The following CLNK variants were observed in gnomAD, a reference collection of about 807,000 sequenced individuals.
The protein encoded by CLNK is cytokine dependent hematopoietic cell linker, also known as cytokine-dependent hematopoietic cell linker.
In CLNK, 74 loss-of-function variants were observed where a neutral mutation model predicts 68.6. The observed-to-expected ratio is 1.08, with a 90% CI of 0.89 to 1.31. CLNK has a LOEUF of 1.31. Among genes scored for constraint, CLNK ranks in the 50% most tolerant of loss-of-function variants. CLNK has a pLI of 0.00. For missense variants in CLNK, 553 were observed against 515.3 expected (o/e 1.07, Z -0.71); for synonymous variants, 198 against 172.2 (o/e 1.15, Z -1.17).
chr4:10,592,821 G>A lies in CLNK; in HGVS notation c.83+5157C>T, dbSNP rs575980907. Among the ~76,000 whole-genome samples the A allele has an allele frequency of 2.6e-5, 4 of 152,182 alleles. No individual in the cohort carries two copies. The South Asian group carries it at 8.3e-4, about 32-fold the overall frequency. ...GCTCACTGCAACCTCCACCTCCCGA[G>A]TTCAAGAGATTTTCCTGCCTCAGCC... is the stretch of plus-strand genomic sequence containing the variant. On this transcript the variant is annotated intron_variant, in intron 3 of 18. Coordinates refer to ENST00000226951, the MANE Select transcript of CLNK (RefSeq NM_052964.4).
chr4:10,616,797 T>G lies in CLNK; in HGVS notation c.12-18748A>C, dbSNP rs28677927. ...GTATATATGTGTGTGTGTGTATATA[T>G]ATATATATATATATATATATATATA... is the stretch of plus-strand genomic sequence containing the variant. On this transcript the variant is annotated intron_variant, in intron 2 of 18. Transcript: ENST00000226951. Among the ~76,000 whole-genome samples, 38 of 8,024 alleles carry G rather than the reference T, an allele frequency of 4.7e-3. 1 individual carries two copies. In the South Asian group the frequency reaches 0.2, roughly 43 times the overall value. The allele number at this position is 8,024 out of a possible 152,430, so 5.3% of individuals were successfully genotyped here.
intron 2 of CLNK, among the ~76,000 whole-genome samples, chr4:10,653,232 C>T (rs1254897874): frequency 6.6e-6 from 1 of 151,874 alleles, no homozygotes; most frequent in East Asian, 1.9e-4. Context: ...GGAGAAATAC[C>T]CAATGTAGAT....
intron 2 of CLNK, among the ~76,000 whole-genome samples, chr4:10,633,862 T>C (rs895752669): frequency 1.3e-5 from 2 of 152,222 alleles, no homozygotes; most frequent in East Asian, 1.9e-4. Context: ...TTGTGGTTGG[T>C]TGTACTGGAA....
At chr4:10,628,196 T>C (rs546876158) in intron 2 of CLNK, among the ~76,000 whole-genome samples, 4 of 152,236 alleles carry the variant, frequency 2.6e-5, no homozygotes, top group Non-Finnish European at 5.9e-5. Context: ...AGTGTCCCCA[T>C]GGACCTATAT....
the CLNK span, among the ~76,000 whole-genome samples, chr4:10,718,392 G>T: frequency 6.6e-6 from 1 of 152,020 alleles, no homozygotes; most frequent in South Asian, 2.1e-4. Flanking sequence ...CTTGAAAGCA[G>T]CAAGAGAGAA....
chr4:10,691,617 A>AT, the CLNK span, among the ~76,000 whole-genome samples: 11 of 151,924 alleles, frequency 7.2e-5, no homozygotes, highest in South Asian at 2.1e-4. Context: ...AAAAAAAAAA[A>AT]ACTGCTTTGG....
intron 1 of CLNK, among the ~76,000 whole-genome samples, chr4:10,670,506 A>C (rs1724585592): frequency 6.6e-6 from 1 of 152,256 alleles, no homozygotes; most frequent in Non-Finnish European, 1.5e-5. Context: ...ACAGATGCAG[A>C]ACAGTTCCCT....
intron 18 of CLNK, among the ~76,000 whole-genome samples, chr4:10,491,593 A>T (rs1716575101): frequency 6.6e-6 from 1 of 152,042 alleles, no homozygotes; most frequent in East Asian, 1.9e-4. Flanking sequence ...GGAAAGTAAG[A>T]TTATTTCAGG....
At chr4:10,672,683 T>G (rs911987573) in intron 1 of CLNK, among the ~76,000 whole-genome samples, 3 of 152,166 alleles carry the variant, frequency 2.0e-5, no homozygotes, top group Non-Finnish European at 2.9e-5. Context: ...AAAAATATAA[T>G]GTCCCAGAAA....
intron 2 of CLNK, among the ~76,000 whole-genome samples, chr4:10,666,763 G>C (rs559921169): frequency 2.4e-4 from 36 of 152,280 alleles, no homozygotes; most frequent in African/African-American, 8.2e-4. Context: ...TACGTGCCAG[G>C]GAGCTCCTGC....
At chr4:10,699,508 A>AT in the CLNK span, among the ~76,000 whole-genome samples, 6 of 19,774 alleles carry the variant, frequency 3.0e-4, no homozygotes, top group Non-Finnish European at 7.0e-4. Flanking sequence ...ATATATATAT[A>AT]TATATTTTTT....
the CLNK span, among the ~76,000 whole-genome samples, chr4:10,730,215 C>T: frequency 3.9e-5 from 6 of 152,146 alleles, no homozygotes; most frequent in Non-Finnish European, 8.8e-5. Flanking sequence ...ATCACTGCAC[C>T]ATTGAACCTC....
At chr4:10,551,535 C>A (rs61795092) in intron 8 of CLNK, among the ~76,000 whole-genome samples, 1 of 152,074 alleles carries the variant, frequency 6.6e-6, no homozygotes, top group Non-Finnish European at 1.5e-5. Flanking sequence ...TCCAAAAGTG[C>A]TGGGGTTACA....
intron 2 of CLNK, among the ~76,000 whole-genome samples, chr4:10,647,516 T>C (rs962638489): frequency 1.3e-5 from 2 of 152,152 alleles, no homozygotes; most frequent in East Asian, 1.9e-4. Flanking sequence ...ATTTAAGACA[T>C]AGCTTTTTGG....
chr4:10,531,829 G>C, intron 12 of CLNK: 1 of 460,536 alleles, frequency 2.2e-6, no homozygotes, highest in Admixed American at 2.3e-5. Flanking sequence ...TGGCACGGCA[G>C]GATTCCTACC....
intron 1 of CLNK, among the ~76,000 whole-genome samples, chr4:10,670,083 T>C (rs1724570118): frequency 6.6e-6 from 1 of 152,220 alleles, no homozygotes; most frequent in Admixed American, 6.5e-5. Context: ...GTAGTATCAA[T>C]ATCTTTCTTT....
At chr4:10,540,246 A>G (rs1444528805) in intron 11 of CLNK, among the ~76,000 whole-genome samples, 1 of 152,174 alleles carries the variant, frequency 6.6e-6, no homozygotes, top group Non-Finnish European at 1.5e-5. Context: ...CATGTAAGAC[A>G]TGCTTGCTTC....
chr4:10,571,326 CTTTTTT>C lies in CLNK; in HGVS notation c.150+409_150+414del, dbSNP rs60429766. Among the ~76,000 whole-genome samples the C allele has an allele frequency of 5.4e-4, 35 of 64,622 alleles. 1 individual carries two copies. The South Asian group carries it at 0.015, about 28-fold the overall frequency. 42.4% of individuals were successfully genotyped at this position (64,622 alleles called of 152,430 possible). Reference sequence around the variant, plus strand: ...TTTTTTGTTGTTGTTGTTGCTGTTGCTTTTTTTTTTTTTTTTTTTTTTTTTGAGACA... The same window carrying C: ...TTTTTTGTTGTTGTTGTTGCTGTTGCTTTTTTTTTTTTTTTTTTTGAGACA... On this transcript the variant is annotated intron_variant, in intron 5 of 18. Coordinates refer to ENST00000226951, the MANE Select transcript of CLNK (RefSeq NM_052964.4).
At chr4:10,680,476 C>A (rs1725055423) in intron 1 of CLNK, among the ~76,000 whole-genome samples, 1 of 151,716 alleles carries the variant, frequency 6.6e-6, no homozygotes, top group Non-Finnish European at 1.5e-5. Context: ...ATGTAACAAA[C>A]CTGCACGTTG....
Sources: allele counts gnomAD v4.1 joint callset (sites outside exome capture counted in the v4.1 genomes callset), GRCh38; gene constraint gnomAD v4.1.1; transcripts MANE v1.5; gene names NCBI Gene and HGNC (gene_info 2026-07-23, HGNC 2026-07-21).